The following NTNG1 variants were observed in gnomAD, a reference collection of about 807,000 sequenced individuals.
The protein encoded by NTNG1 is netrin-G1.
NTNG1 carries 16 observed loss-of-function variants against 54.0 expected under a neutral mutation model. That is an observed-to-expected ratio of 0.30 (90% CI 0.20 to 0.45). The LOEUF is 0.45. NTNG1 is among the 20% of genes least tolerant of loss of function. NTNG1 has a pLI of 1.00. For synonymous variants in NTNG1, 255 were observed against 263.1 expected, an observed-to-expected ratio of 0.97 and a Z score of 0.30; for missense variants, 530 against 678.7, an observed-to-expected ratio of 0.78 and a Z score of 2.43.
chr1:107,181,698 CT>C (rs1657084964), intron 2 of NTNG1, among the ~76,000 whole-genome samples: 1 of 152,088 alleles, frequency 6.6e-6, no homozygotes, highest in South Asian at 2.1e-4. Flanking sequence ...CTGTACTGCG[CT>C]TCTTAATGTC....
chr1:107,302,115 A>T (rs1251814971), intron 2 of NTNG1, among the ~76,000 whole-genome samples: 1 of 152,134 alleles, frequency 6.6e-6, no homozygotes, highest in East Asian at 1.9e-4. Flanking sequence ...TTGTACTCAG[A>T]ACCTAAGATC....
chr1:107,458,326 G>A (rs929207567), intron 7 of NTNG1, among the ~76,000 whole-genome samples: 2 of 152,092 alleles, frequency 1.3e-5, no homozygotes, highest in Admixed American at 6.5e-5. Context: ...CATTAGAGGC[G>A]ATTAAAGGAG....
At chr1:107,310,579 T>A (rs1666947655) in intron 2 of NTNG1, among the ~76,000 whole-genome samples, 1 of 152,132 alleles carries the variant, frequency 6.6e-6, no homozygotes, top group South Asian at 2.1e-4. Context: ...CTGATCTGAA[T>A]AAAATATACT....
At chr1:107,196,496 G>T (rs1658342069) in intron 2 of NTNG1, among the ~76,000 whole-genome samples, 1 of 152,046 alleles carries the variant, frequency 6.6e-6, no homozygotes, top group African/African-American at 2.4e-5. Flanking sequence ...GAGGAAAGTA[G>T]ATCGTGGGAA....
intron 2 of NTNG1, among the ~76,000 whole-genome samples, chr1:107,152,028 A>G (rs1206143894): frequency 2.0e-5 from 3 of 150,458 alleles, no homozygotes; most frequent in African/African-American, 7.5e-5. Flanking sequence ...ATACATATAT[A>G]TATACATACA....
chr1:107,264,526 T>C (rs1385022794), intron 2 of NTNG1, among the ~76,000 whole-genome samples: 1 of 152,248 alleles, frequency 6.6e-6, no homozygotes, highest in Non-Finnish European at 1.5e-5. Context: ...TTTCCTTTCA[T>C]TTTTTATAAA....
chr1:107,209,130 C>T (rs370720244), intron 2 of NTNG1, among the ~76,000 whole-genome samples: 3 of 151,790 alleles, frequency 2.0e-5, no homozygotes, highest in African/African-American at 7.3e-5. Flanking sequence ...TTCCTTACCT[C>T]GTTTAACTGC....
At chr1:107,185,172 T>C (rs1351744471) in intron 2 of NTNG1, among the ~76,000 whole-genome samples, 1 of 152,170 alleles carries the variant, frequency 6.6e-6, no homozygotes, top group Non-Finnish European at 1.5e-5. Flanking sequence ...GCAGACAAGG[T>C]GTATTTTAAT....
chr1:107,267,886 G>A (rs1172826411), intron 2 of NTNG1, among the ~76,000 whole-genome samples: 1 of 152,056 alleles, frequency 6.6e-6, no homozygotes, highest in Non-Finnish European at 1.5e-5. Context: ...TCAAATAAGA[G>A]CCCACTTTCC....
chr1:107,364,910 G>A (rs1205570799), intron 3 of NTNG1, among the ~76,000 whole-genome samples: 1 of 152,078 alleles, frequency 6.6e-6, no homozygotes, highest in Non-Finnish European at 1.5e-5. Flanking sequence ...CATTCATTAT[G>A]TAAAAAAGTA....
intron 2 of NTNG1, among the ~76,000 whole-genome samples, chr1:107,225,571 A>G (rs767350408): frequency 6.6e-6 from 1 of 152,176 alleles, no homozygotes; most frequent in South Asian, 2.1e-4. Flanking sequence ...CATAACCTCT[A>G]TAAACCATAT....
intron 4 of NTNG1, among the ~76,000 whole-genome samples, chr1:107,406,282 T>A (rs1212444072): frequency 3.9e-5 from 6 of 152,180 alleles, no homozygotes; most frequent in Admixed American, 2.6e-4. Flanking sequence ...CAAGGGCTGT[T>A]GTTCAAAGAT....
chr1:107,454,671 T>C (rs575070506), intron 7 of NTNG1, among the ~76,000 whole-genome samples: 1 of 152,194 alleles, frequency 6.6e-6, no homozygotes, highest in East Asian at 1.9e-4. Flanking sequence ...AAGGAGGAAA[T>C]AGCATGCATA....
chr1:107,198,019 T>C (rs1658467966), intron 2 of NTNG1, among the ~76,000 whole-genome samples: 1 of 152,048 alleles, frequency 6.6e-6, no homozygotes, highest in South Asian at 2.1e-4. Context: ...AGGTAGATTC[T>C]AGTGTAACTT....
intron 3 of NTNG1, among the ~76,000 whole-genome samples, chr1:107,341,518 C>A (rs547071162): frequency 1.4e-4 from 21 of 152,146 alleles, no homozygotes; most frequent in Middle Eastern, 3.4e-3. Flanking sequence ...TTATATTATA[C>A]CCCATTTCCT....
chr1:107,348,817 A>G (rs961837801), intron 3 of NTNG1, among the ~76,000 whole-genome samples: 6 of 152,290 alleles, frequency 3.9e-5, no homozygotes, highest in Admixed American at 1.3e-4. Flanking sequence ...TTTTATTACC[A>G]TAATTATTGT....
chr1:107,246,469 G>A (rs957912142), intron 2 of NTNG1, among the ~76,000 whole-genome samples: 12 of 150,918 alleles, frequency 8.0e-5, no homozygotes, highest in African/African-American at 2.7e-4. Context: ...GTTTTTAAAT[G>A]ATACTATTAT....
At chr1:107,433,293 C>T (rs997682756) in intron 6 of NTNG1, among the ~76,000 whole-genome samples, 20 of 152,266 alleles carry the variant, frequency 1.3e-4, no homozygotes, top group African/African-American at 4.8e-4. Context: ...CCTGTAATCC[C>T]AGCACTTTAG....
At chr1:107,141,657 G>A (rs940900106) in intron 1 of NTNG1, among the ~76,000 whole-genome samples, 1 of 152,114 alleles carries the variant, frequency 6.6e-6, no homozygotes, top group Admixed American at 6.5e-5. Context: ...CGCACACACA[G>A]CGGCACACGC....
Sources: allele counts gnomAD v4.1 joint callset (sites outside exome capture counted in the v4.1 genomes callset), GRCh38; gene constraint gnomAD v4.1.1; transcripts MANE v1.5; gene names NCBI Gene and HGNC (gene_info 2026-07-23, HGNC 2026-07-21).